TNR: variants seen among roughly 807,000 people sequenced by gnomAD.
TNR encodes the protein tenascin R, also known as tenascin-R.
A neutral mutation model predicts 150.4 loss-of-function variants in TNR; 45 were observed. That is an observed-to-expected ratio of 0.30 (90% CI 0.24 to 0.38). TNR has a LOEUF of 0.38. TNR is among the 10% of genes least tolerant of loss of function. The probability of loss-of-function intolerance (pLI) is 1.00; values close to 1 mark genes in which losing one functional copy is unlikely to be tolerated. For synonymous variants in TNR, 687 were observed against 678.4 expected, an observed-to-expected ratio of 1.01 and a Z score of -0.20; for missense variants, 1,544 against 1,759.1, an observed-to-expected ratio of 0.88 and a Z score of 2.19.
intron 2 of TNR, among the ~76,000 whole-genome samples, chr1:175,432,907 G>T (rs372907834): frequency 9.2e-5 from 14 of 152,140 alleles, no homozygotes; most frequent in African/African-American, 3.1e-4. Flanking sequence ...ATCAAGGGAA[G>T]GTCAATGAGA....
chr1:175,728,762 G>A (rs1667547039), intron 1 of TNR, among the ~76,000 whole-genome samples: 1 of 152,122 alleles, frequency 6.6e-6, no homozygotes, highest in Admixed American at 6.6e-5. Flanking sequence ...ACTGAATATG[G>A]GATCCTATAC....
rs750913646 is a variant in TNR at position 175,386,231 on chromosome 1, G to T, written c.1578C>A (p.Pro526=). ...GAATGAAATCGACTTTGGCTCGAGGGGGAATCCACTCCACAAAAGCCACAG... is the reference window on the plus strand; with the variant it reads ...GAATGAAATCGACTTTGGCTCGAGGTGGAATCCACTCCACAAAAGCCACAG... The part of the protein sequence containing the change: ...SDTVAFVEWI[P]PRAKVDFILL... The change falls in exon 8 of 23, where the codon CCC becomes CCA. Residue 526 remains proline (P), a synonymous_variant. Coordinates refer to ENST00000367674, the MANE Select transcript of TNR (RefSeq NM_003285.3). 3 of 1,607,212 alleles carry T rather than the reference G, an allele frequency of 1.9e-6. No homozygotes were observed. Among genetic ancestry groups the T allele is most frequent in the Non-Finnish European group, 1.7e-6 (2 of 1,174,572 alleles).
intron 1 of TNR, among the ~76,000 whole-genome samples, chr1:175,684,380 T>A (rs1310776975): frequency 1.3e-5 from 2 of 152,094 alleles, no homozygotes; most frequent in Non-Finnish European, 2.9e-5. Flanking sequence ...GAGGAATGGG[T>A]TTCATCCATC....
At chr1:175,602,030 G>A (rs528948113) in intron 1 of TNR, among the ~76,000 whole-genome samples, 1 of 152,148 alleles carries the variant, frequency 6.6e-6, no homozygotes, top group South Asian at 2.1e-4. Flanking sequence ...ACCATCTGGG[G>A]AGACTTAGCA....
intron 1 of TNR, among the ~76,000 whole-genome samples, chr1:175,730,365 T>C (rs909214141): frequency 6.6e-6 from 1 of 152,182 alleles, no homozygotes; most frequent in African/African-American, 2.4e-5. Context: ...CACTCCTACC[T>C]GACACAGCTG....
intron 2 of TNR, among the ~76,000 whole-genome samples, chr1:175,427,046 T>C (rs1655021325): frequency 6.7e-6 from 1 of 148,734 alleles, no homozygotes; most frequent in Non-Finnish European, 1.5e-5. Flanking sequence ...GATTCTAAAA[T>C]CTTCTGATCC....
rs775160292 is a variant in TNR, at chr1:175,359,564, A to G, written c.2974+48T>C. On this transcript the variant is annotated intron_variant, in intron 15 of 22. Transcript: ENST00000367674. ...CACATCATACTGGTCTGCAGCTCCA[A>G]TTCCCACCATTCCCACCTGCCTGAT... 1.1e-5 allele frequency: 18 copies of G among 1,612,166 alleles called. No homozygotes were observed. In the South Asian group the frequency reaches 1.9e-4, roughly 17 times the overall value.
At chr1:175,681,263 G>A (rs11582103) in intron 1 of TNR, among the ~76,000 whole-genome samples, 23,018 of 152,240 alleles carry the variant, frequency 0.15, 1,908 homozygotes, top group South Asian at 0.24. Context: ...GAGGCCACGT[G>A]AGGAAGCCCG....
chr1:175,381,575 G>T (rs1418717695), intron 8 of TNR, among the ~76,000 whole-genome samples: 1 of 152,150 alleles, frequency 6.6e-6, no homozygotes, highest in Non-Finnish European at 1.5e-5. Context: ...GCTCCCTCTG[G>T]CCTTGAAGTC....
chr1:175,593,908 G>A (rs1312969167), intron 1 of TNR, among the ~76,000 whole-genome samples: 1 of 152,198 alleles, frequency 6.6e-6, no homozygotes, highest in African/African-American at 2.4e-5. Context: ...ACTCTGGCTG[G>A]CAACAGTGCT....
At position 175,742,165 on chromosome 1, in the gene TNR, C is replaced by T. The variant is rs540411532; in HGVS notation, c.-165+1061G>A. Among the ~76,000 whole-genome samples, 125 of 152,330 alleles carry T rather than the reference C, an allele frequency of 8.2e-4. No individual in the cohort carries two copies. In the Middle Eastern group the frequency reaches 0.014, roughly 17 times the overall value. Reference sequence around the variant, plus strand: ...AGATGCAGGGAATTGACTGAACATACTTCAGAGAGGCAGAAAGCAGGAGAG... The same window carrying T: ...AGATGCAGGGAATTGACTGAACATATTTCAGAGAGGCAGAAAGCAGGAGAG... On this transcript the variant is annotated intron_variant, in intron 1 of 22. Transcript: ENST00000367674.
intron 1 of TNR, among the ~76,000 whole-genome samples, chr1:175,593,375 C>G (rs1304295010): frequency 2.0e-5 from 3 of 152,050 alleles, no homozygotes; most frequent in African/African-American, 7.2e-5. Context: ...ATAGAAAAGT[C>G]AAAGAGAGTG....
chr1:175,501,548 T>C (rs1658738215), intron 2 of TNR, among the ~76,000 whole-genome samples: 1 of 152,234 alleles, frequency 6.6e-6, no homozygotes, highest in Admixed American at 6.5e-5. Flanking sequence ...CCCAGACTTT[T>C]GACCTAGAAA....
intron 1 of TNR, among the ~76,000 whole-genome samples, chr1:175,568,580 T>C (rs960932406): frequency 1.3e-5 from 2 of 152,222 alleles, no homozygotes; most frequent in Non-Finnish European, 2.9e-5. Context: ...GTCCTTCTGC[T>C]TATTTCACTC....
chr1:175,433,248 C>A (rs911940419), intron 2 of TNR, among the ~76,000 whole-genome samples: 2 of 152,192 alleles, frequency 1.3e-5, no homozygotes, highest in Non-Finnish European at 2.9e-5. Context: ...GCCATTGATA[C>A]CTCCAGTCTC....
rs148358630 is a variant in TNR, at chr1:175,337,878, C to G, written c.3383-199G>C. Among the ~76,000 whole-genome samples, 249 of 152,266 alleles carry G rather than the reference C, an allele frequency of 1.6e-3. 1 individual carries two copies. The highest frequency in any genetic ancestry group is 3.2e-3 in the Non-Finnish European group (217 of 68,034). On this transcript the variant is annotated intron_variant, in intron 18 of 22. Coordinates refer to ENST00000367674, the MANE Select transcript of TNR (RefSeq NM_003285.3). ...CTTCCACAACTGTTGTTAGACTTAT[C>G]AGACAACATACAATTTCATGGGATC...
chr1:175,348,850 A>ACTT (rs1416980192), intron 18 of TNR, among the ~76,000 whole-genome samples: 1 of 152,242 alleles, frequency 6.6e-6, no homozygotes, highest in East Asian at 1.9e-4. Flanking sequence ...GCAAAGAAAG[A>ACTT]CTTCTTAAGA....
intron 2 of TNR, among the ~76,000 whole-genome samples, chr1:175,514,040 A>G (rs1229558025): frequency 1.3e-5 from 2 of 152,220 alleles, no homozygotes; most frequent in Non-Finnish European, 2.9e-5. Flanking sequence ...TGTGATGGGC[A>G]GAATAATGAC....
At chr1:175,477,413 T>A (rs1426620811) in intron 2 of TNR, among the ~76,000 whole-genome samples, 2 of 152,200 alleles carry the variant, frequency 1.3e-5, no homozygotes, top group East Asian at 3.8e-4. Flanking sequence ...GAGCTGTGCT[T>A]TTACCTCTCA....
Sources: gnomAD v4.1 joint callset for allele counts (sites outside exome capture counted in the v4.1 genomes callset) on GRCh38, gnomAD v4.1.1 for gene constraint, MANE v1.5 for transcripts, NCBI Gene and HGNC (gene_info 2026-07-23, HGNC 2026-07-21) for gene names.